ESR1: variants seen among roughly 807,000 people sequenced by gnomAD.
ESR1 encodes the protein estrogen receptor 1.
In ESR1, 12 loss-of-function variants were observed where a neutral mutation model predicts 52.7. The observed-to-expected ratio is 0.23, with a 90% CI of 0.15 to 0.37. The LOEUF is 0.37. Among genes scored for constraint, ESR1 ranks in the 10% least tolerant of loss-of-function variants. The pLI is 1.00. For synonymous variants in ESR1, 305 were observed against 316.8 expected, an observed-to-expected ratio of 0.96 and a Z score of 0.39; for missense variants, 584 against 779.7, an observed-to-expected ratio of 0.75 and a Z score of 2.99.
intron 2 of ESR1, among the ~76,000 whole-genome samples, chr6:151,703,818 T>C (rs1458208287): frequency 1.3e-5 from 2 of 152,216 alleles, no homozygotes; most frequent in Non-Finnish European, 2.9e-5. Flanking sequence ...CTTGCATTGC[T>C]TTCCCCACTT....
At chr6:151,987,201 CCTA>C (rs2040570728) in intron 4 of ESR1, among the ~76,000 whole-genome samples, 2 of 152,066 alleles carry the variant, frequency 1.3e-5, no homozygotes, top group Non-Finnish European at 2.9e-5. Context: ...TCCATCTCCT[CCTA>C]CTGCACCCAC....
At chr6:152,036,069 A>G (rs530257098) in intron 5 of ESR1, among the ~76,000 whole-genome samples, 4 of 152,244 alleles carry the variant, frequency 2.6e-5, no homozygotes, top group African/African-American at 9.6e-5. Flanking sequence ...AAAATCAACA[A>G]CTTTAATTAA....
At chr6:151,795,302 C>T (rs1398240875) in intron 2 of ESR1, among the ~76,000 whole-genome samples, 1 of 151,798 alleles carries the variant, frequency 6.6e-6, no homozygotes, top group African/African-American at 2.4e-5. Flanking sequence ...GCCTGGGCAA[C>T]ATGGCGAAAC....
At chr6:152,128,401 T>C (rs958983477) in exon 7 of ESR1, 1 of 152,224 alleles carries the variant, frequency 6.6e-6, no homozygotes, top group Non-Finnish European at 1.5e-5. Flanking sequence ...AGGAATCACA[T>C]TGAATTAATT....
chr6:152,002,242 C>A (rs2042015757), intron 4 of ESR1, among the ~76,000 whole-genome samples: 2 of 144,240 alleles, frequency 1.4e-5, no homozygotes, highest in Non-Finnish European at 3.0e-5. Flanking sequence ...ACTAAAACGA[C>A]AGTGTTGTCA....
chr6:151,791,967 T>C (rs928550260), intron 2 of ESR1, among the ~76,000 whole-genome samples: 3 of 152,206 alleles, frequency 2.0e-5, no homozygotes, highest in South Asian at 2.1e-4. Context: ...AAGGTGTTGT[T>C]AGGAGATTTT....
In ESR1 at chr6:152,102,738, TG is replaced by T. The variant is rs1417155593; in HGVS notation, c.*3773del. On this transcript the variant is annotated 3_prime_UTR_variant, in exon 8 of 8. Transcript: ENST00000206249. Reference sequence around the variant, plus strand: ...CTATTATGGCACTTCAATTTTGCACTGTCTTTTGAGATTCAAGAAAAATTTC... The same window carrying T: ...CTATTATGGCACTTCAATTTTGCACTTCTTTTGAGATTCAAGAAAAATTTC... 53 of 219,084 alleles carry T rather than the reference TG, an allele frequency of 2.4e-4. No homozygotes were observed. The highest frequency in any genetic ancestry group is 9.3e-4 in the Admixed American group (16 of 17,258). 13.6% of individuals were successfully genotyped at this position (219,084 alleles called of 1,614,324 possible).
At chr6:151,720,868 T>C (rs943852766) in intron 2 of ESR1, among the ~76,000 whole-genome samples, 1 of 152,234 alleles carries the variant, frequency 6.6e-6, no homozygotes. Context: ...GTGGTTTGCA[T>C]TGTTTATTTT....
At chr6:151,895,511 T>C (rs1251570328) in intron 3 of ESR1, among the ~76,000 whole-genome samples, 1 of 152,218 alleles carries the variant, frequency 6.6e-6, no homozygotes. Context: ...CAGTATTATG[T>C]TGGCTGTGGG....
intron 5 of ESR1, among the ~76,000 whole-genome samples, chr6:152,043,472 G>A (rs1584973801): frequency 6.6e-6 from 1 of 152,136 alleles, no homozygotes; most frequent in South Asian, 2.1e-4. Context: ...ACCTCCTTGT[G>A]GGTCACATTC....
intron 2 of ESR1, among the ~76,000 whole-genome samples, chr6:151,738,672 C>G (rs1562368489): frequency 6.6e-6 from 1 of 152,138 alleles, no homozygotes; most frequent in Admixed American, 6.5e-5. Context: ...AGAGCAATAT[C>G]ATAAATTAGA....
intron 3 of ESR1, among the ~76,000 whole-genome samples, chr6:151,932,992 A>G (rs1193635268): frequency 6.6e-6 from 1 of 152,118 alleles, no homozygotes; most frequent in Non-Finnish European, 1.5e-5. Context: ...TCTGTGAAGA[A>G]AGATATTGGT....
chr6:151,928,194 C>G (rs1302727479), intron 3 of ESR1, among the ~76,000 whole-genome samples: 1 of 152,162 alleles, frequency 6.6e-6, no homozygotes, highest in Non-Finnish European at 1.5e-5. Flanking sequence ...CCCAGTACAT[C>G]CACTGTAATT....
At chr6:151,786,354 G>C (rs1462283960) in intron 2 of ESR1, among the ~76,000 whole-genome samples, 1 of 152,174 alleles carries the variant, frequency 6.6e-6, no homozygotes, top group Non-Finnish European at 1.5e-5. Flanking sequence ...CCCCACCCCG[G>C]TTTCAAGCAC....
intron 4 of ESR1, among the ~76,000 whole-genome samples, chr6:152,011,075 G>A (rs920762506): frequency 5.3e-5 from 8 of 151,990 alleles, no homozygotes; most frequent in South Asian, 2.1e-4. Context: ...GTTATTACCC[G>A]AAGTAATCAT....
At chr6:151,722,784 G>A (rs554060334) in intron 2 of ESR1, among the ~76,000 whole-genome samples, 69 of 152,246 alleles carry the variant, frequency 4.5e-4, no homozygotes, top group Admixed American at 1.8e-3. Flanking sequence ...TCCAGAAAAC[G>A]CCTATAAATG....
chr6:151,906,234 C>T (rs1203425988), intron 3 of ESR1, among the ~76,000 whole-genome samples: 1 of 152,068 alleles, frequency 6.6e-6, no homozygotes, highest in Non-Finnish European at 1.5e-5. Context: ...TGTATCTCCA[C>T]CCCACCTTGT....
chr6:151,949,106 T>C lies in ESR1; in HGVS notation c.1096+4598T>C, dbSNP rs192602305. ...AAAATCTACCTGCTGTTCTGATATC[T>C]CCCTGACAGCCACCATAGTGAGATT... On this transcript the variant is annotated intron_variant, in intron 4 of 7. Coordinates refer to ENST00000206249, the MANE Select transcript of ESR1 (RefSeq NM_000125.4). Among the ~76,000 whole-genome samples, 122 of 152,320 alleles carry C rather than the reference T, an allele frequency of 8.0e-4. No individual in the cohort carries two copies. The East Asian group carries it at 0.021, about 26-fold the overall frequency.
Position 151,928,564 on chromosome 6 carries a change from G to A in ESR1, c.761-15609G>A, listed in dbSNP as rs577356462. Among the ~76,000 whole-genome samples the A allele has an allele frequency of 2.6e-5, 4 of 151,910 alleles. No homozygotes were observed. The South Asian group carries it at 8.3e-4, about 32-fold the overall frequency. ...AATAAATCAAACCATCTTAAGTTGG[G>A]AACTGTCTATATTATTCTTTCTCTT... On this transcript the variant is annotated intron_variant, in intron 3 of 7. Coordinates refer to ENST00000206249, the MANE Select transcript of ESR1 (RefSeq NM_000125.4).
Sources: allele counts gnomAD v4.1 joint callset (sites outside exome capture counted in the v4.1 genomes callset), GRCh38; gene constraint gnomAD v4.1.1; transcripts MANE v1.5; gene names NCBI Gene and HGNC (gene_info 2026-07-23, HGNC 2026-07-21).